Variants in PPP3CA observed in about 807,000 individuals in gnomAD.
PPP3CA encodes CAM-PRP catalytic subunit.
Under a neutral mutation model 66.5 loss-of-function variants are expected in PPP3CA, and 14 were observed. The observed-to-expected ratio is 0.21, with a 90% CI of 0.14 to 0.33. PPP3CA has a LOEUF of 0.33. PPP3CA is among the 10% of genes least tolerant of loss of function. The pLI is 1.00. For synonymous variants in PPP3CA, 232 were observed against 226.2 expected, an observed-to-expected ratio of 1.03 and a Z score of -0.23; for missense variants, 317 against 639.5, an observed-to-expected ratio of 0.50 and a Z score of 5.44.
chr4:101,249,879 T>C (rs1461439203), intron 1 of PPP3CA, among the ~76,000 whole-genome samples: 2 of 152,134 alleles, frequency 1.3e-5, no homozygotes, highest in Non-Finnish European at 2.9e-5. Context: ...CCTCAATACA[T>C]TTACAACATA....
intron 1 of PPP3CA, among the ~76,000 whole-genome samples, chr4:101,201,213 A>G (rs905626397): frequency 6.6e-6 from 1 of 152,322 alleles, no homozygotes; most frequent in Admixed American, 6.5e-5. Context: ...CTTTTACTGG[A>G]CAGTGGTATT....
intron 2 of PPP3CA, among the ~76,000 whole-genome samples, chr4:101,122,385 T>C (rs929975913): frequency 6.6e-6 from 1 of 152,164 alleles, no homozygotes; most frequent in Non-Finnish European, 1.5e-5. Context: ...AAGAGCTCTT[T>C]GTATGTGTGT....
At chr4:101,161,265 G>A (rs141611880) in intron 2 of PPP3CA, among the ~76,000 whole-genome samples, 85 of 152,084 alleles carry the variant, frequency 5.6e-4, no homozygotes, top group South Asian at 2.1e-3. Flanking sequence ...CAACAAAATC[G>A]GCAAATGACG....
intron 1 of PPP3CA, among the ~76,000 whole-genome samples, chr4:101,343,829 G>A (rs1339872393): frequency 6.6e-6 from 1 of 152,054 alleles, no homozygotes; most frequent in Non-Finnish European, 1.5e-5. Context: ...CTCTAAAGCT[G>A]CATTCTAAAA....
chr4:101,092,590 C>T (rs1730003464), intron 6 of PPP3CA, among the ~76,000 whole-genome samples: 1 of 151,942 alleles, frequency 6.6e-6, no homozygotes. Context: ...TCCCCTAGCC[C>T]CCCACCCCCT....
intron 1 of PPP3CA, among the ~76,000 whole-genome samples, chr4:101,320,214 AAGT>A (rs1314660291): frequency 2.0e-5 from 3 of 151,600 alleles, no homozygotes; most frequent in Non-Finnish European, 4.4e-5. Flanking sequence ...TTATTTCAAG[AAGT>A]AGCCTATTCA....
intron 1 of PPP3CA, among the ~76,000 whole-genome samples, chr4:101,236,912 G>C (rs920340471): frequency 2.0e-5 from 3 of 151,260 alleles, no homozygotes; most frequent in Non-Finnish European, 4.4e-5. Flanking sequence ...GAAGACTCTA[G>C]ATTTAGTATC....
intron 1 of PPP3CA, among the ~76,000 whole-genome samples, chr4:101,230,274 C>T (rs895582943): frequency 2.6e-5 from 4 of 151,572 alleles, no homozygotes; most frequent in Non-Finnish European, 5.9e-5. Flanking sequence ...ACCTGCAATT[C>T]CTAATTTTTG....
At chr4:101,254,038 C>G (rs543628286) in intron 1 of PPP3CA, among the ~76,000 whole-genome samples, 1 of 152,084 alleles carries the variant, frequency 6.6e-6, no homozygotes, top group South Asian at 2.1e-4. Flanking sequence ...TATTGTTATA[C>G]TCATGTCAGG....
intron 1 of PPP3CA, among the ~76,000 whole-genome samples, chr4:101,252,077 T>G (rs139203490): frequency 6.6e-6 from 1 of 152,200 alleles, no homozygotes; most frequent in Non-Finnish European, 1.5e-5. Context: ...TAAGACAAAA[T>G]CAGTTCTAAG....
At chr4:101,266,264 G>A (rs1442819302) in intron 1 of PPP3CA, among the ~76,000 whole-genome samples, 2 of 151,870 alleles carry the variant, frequency 1.3e-5, no homozygotes, top group African/African-American at 4.8e-5. Flanking sequence ...ACTAACAGAA[G>A]AAAATAAAGA....
chr4:101,092,875 G>A (rs902868394), intron 6 of PPP3CA, among the ~76,000 whole-genome samples: 4 of 152,076 alleles, frequency 2.6e-5, no homozygotes, highest in African/African-American at 4.8e-5. Context: ...ATTTGGGTTG[G>A]TTCCAAGTCT....
At chr4:101,202,773 G>A (rs1236472463) in intron 1 of PPP3CA, among the ~76,000 whole-genome samples, 1 of 152,058 alleles carries the variant, frequency 6.6e-6, no homozygotes, top group Non-Finnish European at 1.5e-5. Context: ...TTTTAAAAAT[G>A]ATTTTTTCAA....
intron 3 of PPP3CA, among the ~76,000 whole-genome samples, chr4:101,102,794 T>C (rs1209112299): frequency 6.6e-6 from 1 of 152,186 alleles, no homozygotes; most frequent in Non-Finnish European, 1.5e-5. Flanking sequence ...ATCAGATGGC[T>C]AACTTGAATC....
At chr4:101,335,078 C>T (rs1296319870) in intron 1 of PPP3CA, among the ~76,000 whole-genome samples, 3 of 151,978 alleles carry the variant, frequency 2.0e-5, no homozygotes, top group Admixed American at 6.5e-5. Flanking sequence ...CTCGTTTATA[C>T]GTAGATATCT....
At chr4:101,212,640 A>G (rs1484953876) in intron 1 of PPP3CA, among the ~76,000 whole-genome samples, 2 of 152,138 alleles carry the variant, frequency 1.3e-5, no homozygotes, top group African/African-American at 4.8e-5. Flanking sequence ...GGAAAAAAAG[A>G]ACAAAAAAGA....
At chr4:101,312,891 G>A (rs1728771910) in intron 1 of PPP3CA, among the ~76,000 whole-genome samples, 1 of 152,106 alleles carries the variant, frequency 6.6e-6, no homozygotes, top group Non-Finnish European at 1.5e-5. Flanking sequence ...CAGCATCTTT[G>A]ACATATCAAC....
At chr4:101,175,013 G>A (rs1724013288) in intron 2 of PPP3CA, among the ~76,000 whole-genome samples, 1 of 152,086 alleles carries the variant, frequency 6.6e-6, no homozygotes, top group African/African-American at 2.4e-5. Context: ...GAGGACTAAG[G>A]TAAGACTTAA....
chr4:101,227,113 CAT>C lies in PPP3CA; in HGVS notation c.59-30999_59-30998del, dbSNP rs1246558680. Among the ~76,000 whole-genome samples the C allele has an allele frequency of 2.1e-3, 157 of 76,520 alleles. 1 individual carries two copies. Among genetic ancestry groups the C allele is most frequent in the Middle Eastern group, 0.013 (2 of 156 alleles). The allele number at this position is 76,520 out of a possible 152,430, so 50.2% of individuals were successfully genotyped here. On this transcript the variant is annotated intron_variant, in intron 1 of 13. Coordinates refer to ENST00000394854, the MANE Select transcript of PPP3CA (RefSeq NM_000944.5). ...TAGCGTAATGGTAGGTAGGTGTGTA[CAT>C]ACACACATACATACATACATACATA...
Sources: gnomAD v4.1 joint callset for allele counts (sites outside exome capture counted in the v4.1 genomes callset) on GRCh38, gnomAD v4.1.1 for gene constraint, MANE v1.5 for transcripts, NCBI Gene and HGNC (gene_info 2026-07-23, HGNC 2026-07-21) for gene names.